KCNIP4: variants seen among roughly 807,000 people sequenced by gnomAD.
KCNIP4 encodes the protein Kv channel-interacting protein 4.
A neutral mutation model predicts 34.0 loss-of-function variants in KCNIP4; 12 were observed. The observed-to-expected ratio is 0.35, with a 90% CI of 0.23 to 0.57. The LOEUF is 0.57. Ranked by LOEUF, KCNIP4 falls within the 20% of genes least tolerant of loss-of-function variation. The probability of loss-of-function intolerance (pLI) is 0.83; values close to 1 mark genes in which losing one functional copy is unlikely to be tolerated. For missense variants in KCNIP4, 238 were observed against 311.7 expected (o/e 0.76, Z 1.78); for synonymous variants, 124 against 102.2 (o/e 1.21, Z -1.29).
chr4:20,854,747 G>A (rs1721392698), intron 2 of KCNIP4, among the ~76,000 whole-genome samples: 1 of 152,074 alleles, frequency 6.6e-6, no homozygotes, highest in Admixed American at 6.6e-5. Flanking sequence ...TGCTGACAAG[G>A]GTAAAGTAAC....
chr4:21,313,827 C>A lies in KCNIP4; in HGVS notation c.62-431118G>T, dbSNP rs1320816869. The stretch of plus-strand genomic sequence containing the variant: ...CTGCTGGTTTGATAACTCAGGATGG[C>A]ACCTCTCTGAACTACGGTATTGTTT... On this transcript the variant is annotated intron_variant, in intron 1 of 8. Coordinates refer to ENST00000382152, the MANE Select transcript of KCNIP4 (RefSeq NM_025221.6). Among the ~76,000 whole-genome samples the A allele has an allele frequency of 2.0e-5, 3 of 152,290 alleles. No individual in the cohort carries two copies. In the East Asian group the frequency reaches 5.8e-4, roughly 29 times the overall value.
chr4:20,819,621 T>C (rs925986611), intron 3 of KCNIP4, among the ~76,000 whole-genome samples: 1 of 152,162 alleles, frequency 6.6e-6, no homozygotes, highest in Admixed American at 6.5e-5. Flanking sequence ...CCTCCAAAAT[T>C]CATATGTTGG....
intron 1 of KCNIP4, among the ~76,000 whole-genome samples, chr4:21,273,676 A>T (rs1171431184): frequency 6.6e-6 from 1 of 152,222 alleles, no homozygotes; most frequent in Non-Finnish European, 1.5e-5. Context: ...TCCAAATTGC[A>T]GAGCTTCTAA....
intron 1 of KCNIP4, among the ~76,000 whole-genome samples, chr4:20,894,079 CTA>C (rs1220030455): frequency 6.6e-6 from 1 of 152,064 alleles, no homozygotes; most frequent in Non-Finnish European, 1.5e-5. Flanking sequence ...TGGGATTTCA[CTA>C]TGTTGGCCAG....
At chr4:21,113,478 AAAG>A (rs67557995) in intron 1 of KCNIP4, among the ~76,000 whole-genome samples, 14,788 of 116,850 alleles carry the variant, frequency 0.13, 596 homozygotes, top group African/African-American at 0.18. Flanking sequence ...AAAAAAAAAA[AAAG>A]GAAAGCTATA....
At chr4:21,370,065 G>C (rs1352233438) in intron 1 of KCNIP4, among the ~76,000 whole-genome samples, 1 of 147,310 alleles carries the variant, frequency 6.8e-6, no homozygotes, top group Non-Finnish European at 1.5e-5. Flanking sequence ...CTGACCTCGT[G>C]ATCCTCCCAC....
chr4:21,147,381 G>A (rs1181614661), intron 1 of KCNIP4, among the ~76,000 whole-genome samples: 1 of 152,056 alleles, frequency 6.6e-6, no homozygotes, highest in Admixed American at 6.5e-5. Flanking sequence ...TTTGTAAATA[G>A]TTCCTTTATT....
chr4:21,393,534 T>C (rs1234593063), intron 1 of KCNIP4, among the ~76,000 whole-genome samples: 1 of 152,106 alleles, frequency 6.6e-6, no homozygotes, highest in African/African-American at 2.4e-5. Context: ...CCACGGGAAA[T>C]CTGTGATGCA....
intron 3 of KCNIP4, among the ~76,000 whole-genome samples, chr4:20,829,056 G>C (rs1718105418): frequency 1.3e-5 from 2 of 152,190 alleles, no homozygotes; most frequent in Non-Finnish European, 2.9e-5. Flanking sequence ...AATTAGAGAA[G>C]ATACGCTATA....
intron 1 of KCNIP4, among the ~76,000 whole-genome samples, chr4:21,326,764 T>C (rs1030470708): frequency 3.9e-5 from 6 of 151,912 alleles, no homozygotes; most frequent in African/African-American, 1.4e-4. Context: ...TGTTTTTCTC[T>C]GGTGGTATGT....
At position 21,281,755 on chromosome 4, in the gene KCNIP4, C is replaced by T. The variant is rs553732779; in HGVS notation, c.62-399046G>A. Among the ~76,000 whole-genome samples the T allele has an allele frequency of 2.6e-5, 4 of 152,244 alleles. No homozygotes were observed. In the East Asian group the frequency reaches 7.7e-4, roughly 29 times the overall value. On this transcript the variant is annotated intron_variant, in intron 1 of 8. Coordinates refer to ENST00000382152, the MANE Select transcript of KCNIP4 (RefSeq NM_025221.6). ...AAATTGATAACCTGTGTACATATGGCAACTTCCCATTGATCTGAATATTGG... is the reference window on the plus strand; with the variant it reads ...AAATTGATAACCTGTGTACATATGGTAACTTCCCATTGATCTGAATATTGG...
intron 1 of KCNIP4, among the ~76,000 whole-genome samples, chr4:21,019,528 T>C (rs1029680689): frequency 1.3e-5 from 2 of 152,158 alleles, no homozygotes; most frequent in African/African-American, 4.8e-5. Flanking sequence ...TCTGAGTTAC[T>C]GGGAGTGAGG....
At chr4:20,776,347 G>A (rs1196939500) in intron 3 of KCNIP4, among the ~76,000 whole-genome samples, 1 of 152,064 alleles carries the variant, frequency 6.6e-6, no homozygotes, top group Non-Finnish European at 1.5e-5. Flanking sequence ...TAACCTTAAT[G>A]CATCCCAGAA....
At chr4:21,008,113 AGGCAG>A (rs1478013491) in intron 1 of KCNIP4, among the ~76,000 whole-genome samples, 1 of 152,238 alleles carries the variant, frequency 6.6e-6, no homozygotes, top group African/African-American at 2.4e-5. Flanking sequence ...TGAGACCTGC[AGGCAG>A]GATTAGAAGA....
At chr4:20,748,215 C>A (rs1752782008) in intron 5 of KCNIP4, among the ~76,000 whole-genome samples, 1 of 152,124 alleles carries the variant, frequency 6.6e-6, no homozygotes, top group Non-Finnish European at 1.5e-5. Context: ...CCTTCCCCAA[C>A]CTTCGCTCTT....
intron 1 of KCNIP4, among the ~76,000 whole-genome samples, chr4:21,519,610 G>A (rs9996121): frequency 8.8e-6 from 1 of 114,140 alleles, no homozygotes; most frequent in Non-Finnish European, 1.8e-5. Flanking sequence ...ATACACATAT[G>A]TGTGTGTATG....
intron 1 of KCNIP4, among the ~76,000 whole-genome samples, chr4:21,732,389 G>A (rs6836739): frequency 0.12 from 18,157 of 152,076 alleles, 3,702 homozygotes; most frequent in African/African-American, 0.41. Flanking sequence ...TAATTACTAA[G>A]TTCAATTCCC....
At chr4:21,273,315 C>G (rs769941975) in intron 1 of KCNIP4, among the ~76,000 whole-genome samples, 1 of 152,088 alleles carries the variant, frequency 6.6e-6, no homozygotes, top group Non-Finnish European at 1.5e-5. Flanking sequence ...GTTGACTGTT[C>G]TAATGGACAG....
intron 5 of KCNIP4, among the ~76,000 whole-genome samples, chr4:20,744,157 T>A (rs1457964405): frequency 1.5e-5 from 2 of 134,352 alleles, no homozygotes; most frequent in African/African-American, 5.9e-5. Flanking sequence ...ACTTTTGCAC[T>A]GTTGGTGGGA....
Sources: gnomAD v4.1 joint callset for allele counts (sites outside exome capture counted in the v4.1 genomes callset) on GRCh38, gnomAD v4.1.1 for gene constraint, MANE v1.5 for transcripts, NCBI Gene and HGNC (gene_info 2026-07-23, HGNC 2026-07-21) for gene names.